The following HTR1E variants were observed in gnomAD, a reference collection of about 807,000 sequenced individuals.
HTR1E encodes the protein 5-HT-1E.
In HTR1E, 3 loss-of-function variants were observed where a neutral mutation model predicts 3.4. The ratio of observed to expected loss-of-function variants is 0.89; its 90% CI spans 0.41 to 2.31. The LOEUF is 2.31. HTR1E is among the 30% of genes most tolerant of loss of function. The pLI, the probability that HTR1E is intolerant of heterozygous loss-of-function variation, is 0.05. For missense variants in HTR1E, 392 were observed against 467.0 expected (o/e 0.84, Z 1.48); for synonymous variants, 170 against 182.8 (o/e 0.93, Z 0.56).
At chr6:87,009,701 A>C (rs1449361596) in intron 1 of HTR1E, among the ~76,000 whole-genome samples, 23 of 112,156 alleles carry the variant, frequency 2.1e-4, no homozygotes, top group African/African-American at 4.5e-4. Context: ...CCGACCCCCC[A>C]ACCTCCCTCC....
At chr6:86,978,046 T>C (rs1335557212) in intron 1 of HTR1E, among the ~76,000 whole-genome samples, 2 of 152,220 alleles carry the variant, frequency 1.3e-5, no homozygotes, top group Admixed American at 6.5e-5. Context: ...TGAAGATTTA[T>C]TCCATGATTA....
intron 1 of HTR1E, among the ~76,000 whole-genome samples, chr6:86,968,999 CT>C (rs763899296): frequency 3.3e-5 from 5 of 151,942 alleles, no homozygotes; most frequent in Non-Finnish European, 5.9e-5. Context: ...TAATAGATGA[CT>C]ATTAAGTGGT....
intron 1 of HTR1E, among the ~76,000 whole-genome samples, chr6:86,983,328 G>C (rs1454082682): frequency 6.6e-6 from 1 of 152,138 alleles, no homozygotes; most frequent in Non-Finnish European, 1.5e-5. Flanking sequence ...ACTATCTTCT[G>C]ATCATGGTAT....
intron 1 of HTR1E, among the ~76,000 whole-genome samples, chr6:86,940,327 T>G (rs1768527369): frequency 1.3e-5 from 2 of 152,024 alleles, no homozygotes; most frequent in South Asian, 2.1e-4. Context: ...CATGAGCCCA[T>G]GAGTTCGAGA....
At chr6:87,006,022 C>A (rs1768101587) in intron 1 of HTR1E, among the ~76,000 whole-genome samples, 1 of 152,192 alleles carries the variant, frequency 6.6e-6, no homozygotes, top group South Asian at 2.1e-4. Flanking sequence ...ATCAAAACTA[C>A]AATGAGATAT....
At chr6:86,946,908 G>A (rs1768624632) in intron 1 of HTR1E, among the ~76,000 whole-genome samples, 1 of 152,126 alleles carries the variant, frequency 6.6e-6, no homozygotes, top group Non-Finnish European at 1.5e-5. Flanking sequence ...CCTGAGGTCA[G>A]GAGTTTGAGA....
At chr6:86,939,537 C>G (rs187489563) in intron 1 of HTR1E, among the ~76,000 whole-genome samples, 1 of 152,246 alleles carries the variant, frequency 6.6e-6, no homozygotes. Context: ...TAGAAAGGAG[C>G]CTTTTAAAGT....
intron 1 of HTR1E, among the ~76,000 whole-genome samples, chr6:86,983,637 C>T (rs6935195): frequency 0.21 from 31,862 of 151,894 alleles, 3,852 homozygotes; most frequent in African/African-American, 0.32. Flanking sequence ...TTTTATTGTA[C>T]GTTTCAAAAT....
intron 1 of HTR1E, among the ~76,000 whole-genome samples, chr6:86,945,146 G>A (rs1768597911): frequency 6.6e-6 from 1 of 152,166 alleles, no homozygotes; most frequent in Admixed American, 6.5e-5. Flanking sequence ...TGCCCCGAAG[G>A]ACCTTCCAAC....
chr6:87,015,745 G>A lies in HTR1E; in HGVS notation c.411G>A (p.Lys137=). ...AIEYARKRTA[K]RAALMILTVW... ...AATACGCCAGGAAGAGGACGGCCAA[G>A]AGGGCCGCGCTGATGATCCTTACCG... is the stretch of plus-strand genomic sequence containing the variant. The change falls in exon 2 of 2, where the codon AAG becomes AAA. Residue 137 remains lysine, a synonymous_variant. Transcript: ENST00000305344. 2 of 1,609,920 alleles carry A rather than the reference G, an allele frequency of 1.2e-6. No individual in the cohort carries two copies. The highest frequency in any genetic ancestry group is 1.7e-6 in the Non-Finnish European group (2 of 1,177,390).
intron 1 of HTR1E, among the ~76,000 whole-genome samples, chr6:86,996,007 T>C (rs111802974): frequency 1.3e-5 from 2 of 151,724 alleles, no homozygotes; most frequent in African/African-American, 4.8e-5. Context: ...AAAGAGAAAC[T>C]GGCAAATCCA....
chr6:86,980,139 G>A (rs1478980892), intron 1 of HTR1E, among the ~76,000 whole-genome samples: 2 of 152,138 alleles, frequency 1.3e-5, no homozygotes, highest in African/African-American at 2.4e-5. Flanking sequence ...TGTAATCCCA[G>A]CACTTTGGGA....
intron 1 of HTR1E, among the ~76,000 whole-genome samples, chr6:86,940,322 G>T (rs1350971206): frequency 6.6e-6 from 1 of 152,144 alleles, no homozygotes; most frequent in Non-Finnish European, 1.5e-5. Flanking sequence ...GATCACATGA[G>T]CCCATGAGTT....
At chr6:86,996,030 G>C (rs1767935807) in intron 1 of HTR1E, among the ~76,000 whole-genome samples, 1 of 151,920 alleles carries the variant, frequency 6.6e-6, no homozygotes, top group African/African-American at 2.4e-5. Context: ...ACTAGAACTG[G>C]AGACTTCCAT....
chr6:86,943,582 T>C (rs978481423), intron 1 of HTR1E, among the ~76,000 whole-genome samples: 1 of 152,220 alleles, frequency 6.6e-6, no homozygotes, highest in Non-Finnish European at 1.5e-5. Flanking sequence ...CATTGTCACC[T>C]GTGATGTCAA....
intron 1 of HTR1E, among the ~76,000 whole-genome samples, chr6:86,989,620 TG>T (rs1327109319): frequency 6.6e-6 from 1 of 152,190 alleles, no homozygotes; most frequent in Non-Finnish European, 1.5e-5. Flanking sequence ...CTAACCTATT[TG>T]CCATTAATTT....
At chr6:86,956,365 T>C (rs1390645523) in intron 1 of HTR1E, among the ~76,000 whole-genome samples, 1 of 152,150 alleles carries the variant, frequency 6.6e-6, no homozygotes, top group Non-Finnish European at 1.5e-5. Context: ...ATCTGCATAA[T>C]AAGAACCCTG....
chr6:86,949,463 A>G (rs1343894290), intron 1 of HTR1E, among the ~76,000 whole-genome samples: 2 of 152,218 alleles, frequency 1.3e-5, no homozygotes, highest in African/African-American at 4.8e-5. Flanking sequence ...TAAAATTCAA[A>G]TTTAGGTCTT....
chr6:87,013,829 G>A (rs565389378), intron 1 of HTR1E, among the ~76,000 whole-genome samples: 111 of 152,144 alleles, frequency 7.3e-4, no homozygotes, highest in Middle Eastern at 3.4e-3. Context: ...AAAAGTGGGC[G>A]AAGGATATGA....
Sources: gnomAD v4.1 joint callset for allele counts (sites outside exome capture counted in the v4.1 genomes callset) on GRCh38, gnomAD v4.1.1 for gene constraint, MANE v1.5 for transcripts, NCBI Gene and HGNC (gene_info 2026-07-23, HGNC 2026-07-21) for gene names.